DOCK10: variants seen among roughly 807,000 people sequenced by gnomAD.
DOCK10 encodes dedicator of cytokinesis 10.
A neutral mutation model predicts 280.1 loss-of-function variants in DOCK10; 145 were observed. The ratio of observed to expected loss-of-function variants is 0.52; its 90% CI spans 0.45 to 0.59. The LOEUF (loss-of-function observed/expected upper bound fraction) is 0.59. Ranked by LOEUF, DOCK10 falls within the 20% of genes least tolerant of loss-of-function variation. The pLI, the probability that DOCK10 is intolerant of heterozygous loss-of-function variation, is 0.00. For missense variants in DOCK10, 2,368 were observed against 2,651.7 expected (o/e 0.89, Z 2.35); for synonymous variants, 915 against 942.2 (o/e 0.97, Z 0.53).
At chr2:225,032,364 T>C (rs1168503969) in intron 1 of DOCK10, among the ~76,000 whole-genome samples, 2 of 152,212 alleles carry the variant, frequency 1.3e-5, no homozygotes, top group Non-Finnish European at 2.9e-5. Context: ...TGGAAGTTAA[T>C]GAATGAACTT....
intron 51 of DOCK10, 23 bp downstream of exon 51, chr2:224,778,115 C>A (rs754508429): frequency 2.5e-6 from 4 of 1,608,128 alleles, no homozygotes; most frequent in Non-Finnish European, 3.4e-6. Flanking sequence ...TTAGCACTTG[C>A]ATGAATACTG....
intron 1 of DOCK10, among the ~76,000 whole-genome samples, chr2:225,017,596 AG>A (rs1689648238): frequency 6.6e-6 from 1 of 151,416 alleles, no homozygotes; most frequent in Non-Finnish European, 1.5e-5. Context: ...ATTTTCTTGT[AG>A]ATTTTTTAAC....
intron 3 of DOCK10, among the ~76,000 whole-genome samples, chr2:224,909,437 C>A (rs1363755212): frequency 6.6e-6 from 1 of 152,008 alleles, no homozygotes; most frequent in African/African-American, 2.4e-5. Context: ...TTTTCATATC[C>A]CTATTTAAAG....
chr2:224,811,329 G>T (rs1559465430), intron 31 of DOCK10, among the ~76,000 whole-genome samples: 2 of 152,050 alleles, frequency 1.3e-5, no homozygotes, highest in Admixed American at 1.3e-4. Flanking sequence ...TTTTGATGGG[G>T]TTGTTTGTTT....
intron 1 of DOCK10, among the ~76,000 whole-genome samples, chr2:225,016,806 G>C (rs576004475): frequency 6.6e-6 from 1 of 151,540 alleles, no homozygotes; most frequent in Non-Finnish European, 1.5e-5. Flanking sequence ...GTGTTCAAGC[G>C]ATTCTCTTGC....
intron 10 of DOCK10, 31 bp from the exon 11 acceptor site, chr2:224,874,182 T>C (rs201895550): frequency 1.2e-5 from 19 of 1,575,180 alleles, no homozygotes; most frequent in Non-Finnish European, 1.5e-5. Context: ...TCACCAAACA[T>C]CCAACATAAA....
chr2:225,033,074 C>T (rs1200107499), intron 1 of DOCK10, among the ~76,000 whole-genome samples: 1 of 152,062 alleles, frequency 6.6e-6, no homozygotes, highest in Non-Finnish European at 1.5e-5. Context: ...AAAGAGCTGC[C>T]TAGCTTCCCA....
intron 33 of DOCK10, 32 bp from the exon 34 acceptor site, chr2:224,806,269 A>G (rs1293792901): frequency 1.5e-6 from 2 of 1,291,614 alleles, no homozygotes; most frequent in Admixed American, 2.0e-5. Flanking sequence ...GATTAATGGG[A>G]ATCATGGCAT....
At chr2:225,018,110 G>A (rs1012870461) in intron 1 of DOCK10, among the ~76,000 whole-genome samples, 2 of 152,050 alleles carry the variant, frequency 1.3e-5, no homozygotes, top group African/African-American at 2.4e-5. Context: ...CCAATGTGAC[G>A]ACTCACTTTG....
chr2:224,966,959 A>G (rs1376698484), intron 1 of DOCK10, among the ~76,000 whole-genome samples: 1 of 151,386 alleles, frequency 6.6e-6, no homozygotes, highest in African/African-American at 2.4e-5. Flanking sequence ...GGAATTACAC[A>G]TGTTTGCAAA....
chr2:224,999,377 A>G (rs1471590509), intron 1 of DOCK10, among the ~76,000 whole-genome samples: 1 of 151,812 alleles, frequency 6.6e-6, no homozygotes, highest in Non-Finnish European at 1.5e-5. Flanking sequence ...CATCTTCTTC[A>G]GAGTTGCTTC....
Position 224,816,656 on chromosome 2 carries a change from T to C in DOCK10, c.3325A>G (p.Ile1109Val). 6.2e-7 allele frequency: 1 copy of C among 1,609,690 alleles called. No homozygotes were observed. Among genetic ancestry groups the C allele is most frequent in the Non-Finnish European group, 8.5e-7 (1 of 1,177,602 alleles). The change falls in exon 30 of 56, where the codon ATC (isoleucine) becomes GTC (valine). Residue 1109 changes from isoleucine (I) to valine (V), a missense_variant. This residue lies in a region of DOCK10 where 1,159 missense variants were observed against 1,400.8 expected (regional missense o/e 0.83). Coordinates refer to ENST00000258390, the MANE Select transcript of DOCK10 (RefSeq NM_014689.3). The stretch of plus-strand genomic sequence containing the variant: ...GATCTTATGGGCAGACACAAAGGGA[T>C]AAAGTGTTCATGTTGACATACTTCT... Reference protein sequence around the residue: ...LQEVCQHEHFIPLCLPIRSAN... With the variant: ...LQEVCQHEHFVPLCLPIRSAN...
At chr2:224,931,465 G>A (rs1702370768) in intron 2 of DOCK10, 84 bp downstream of exon 2, 1 of 1,457,864 alleles carries the variant, frequency 6.9e-7, no homozygotes, top group East Asian at 2.5e-5. Context: ...GGGAGGCCTG[G>A]ACTCTCTGAA....
intron 3 of DOCK10, among the ~76,000 whole-genome samples, chr2:224,908,725 G>A (rs557355392): frequency 1.3e-5 from 2 of 152,210 alleles, no homozygotes; most frequent in African/African-American, 4.8e-5. Context: ...TTGAACTCCT[G>A]AGATCAAGTG....
rs1164043999 is a variant in DOCK10 at position 224,847,858 on chromosome 2, C to T, written c.2235+1649G>A. On this transcript the variant is annotated intron_variant, in intron 19 of 55. Transcript: ENST00000258390. ...CAGAAAGACAGCACCCACTAGATGT[C>T]CTGAATGTTCTAATCCTGCCAATAT... 6.6e-5 allele frequency among the ~76,000 whole-genome samples: 10 copies of T among 152,220 alleles called. No individual in the cohort carries two copies. In the East Asian group the frequency reaches 1.5e-3, roughly 23 times the overall value.
chr2:225,017,695 C>T (rs1323719619), intron 1 of DOCK10, among the ~76,000 whole-genome samples: 97 of 119,424 alleles, frequency 8.1e-4, no homozygotes, highest in Non-Finnish European at 1.0e-4. Flanking sequence ...TGAAGATATG[C>T]CTACTGTTCC....
At chr2:224,819,577 A>AAAC (rs747841530) in intron 28 of DOCK10, 48 bp from the exon 29 acceptor site, 12 of 1,214,316 alleles carry the variant, frequency 9.9e-6, no homozygotes, top group Admixed American at 2.3e-5. Flanking sequence ...TTGAAGAATC[A>AAAC]TTAAAGATTT....
At chr2:224,921,108 A>ATATATATATATATATATATATATAT (rs1553613930) in intron 2 of DOCK10, among the ~76,000 whole-genome samples, 2 of 71,070 alleles carry the variant, frequency 2.8e-5, no homozygotes, top group African/African-American at 1.0e-4. Flanking sequence ...AAAAAAAAAA[A>ATATATATATATATATATATATATAT]AAAAATATAT....
chr2:224,870,202 G>A (rs1048571766), intron 11 of DOCK10, among the ~76,000 whole-genome samples: 22 of 152,158 alleles, frequency 1.4e-4, no homozygotes, highest in African/African-American at 4.1e-4. Flanking sequence ...CTTTGCTGCC[G>A]CCATGTGAAG....
Sources: allele counts gnomAD v4.1 joint callset (sites outside exome capture counted in the v4.1 genomes callset), GRCh38; gene constraint gnomAD v4.1.1; regional missense constraint gnomAD v4.1.1; transcripts MANE v1.5; gene names NCBI Gene and HGNC (gene_info 2026-07-23, HGNC 2026-07-21).